Variants in LHCGR observed in about 807,000 individuals in gnomAD.
LHCGR encodes the protein lutropin-choriogonadotropic hormone receptor.
A neutral mutation model predicts 60.7 loss-of-function variants in LHCGR; 55 were observed. The observed-to-expected ratio is 0.91, with a 90% CI of 0.73 to 1.13. The LOEUF (loss-of-function observed/expected upper bound fraction) is 1.13. Ranked by LOEUF, LHCGR falls within the 50% of genes most tolerant of loss-of-function variation. The pLI is 0.00. For missense variants in LHCGR, 862 were observed against 836.0 expected (o/e 1.03, Z -0.38); for synonymous variants, 337 against 316.5 (o/e 1.06, Z -0.69).
chr2:48,720,847 C>T (rs1014549310), intron 6 of LHCGR: 1 of 152,170 alleles, frequency 6.6e-6, no homozygotes, highest in South Asian at 2.1e-4. Context: ...GTTGATAGTT[C>T]CTATCTCATA....
intron 7 of LHCGR, among the ~76,000 whole-genome samples, chr2:48,713,331 G>T (rs1250069583): frequency 6.6e-6 from 1 of 152,100 alleles, no homozygotes; most frequent in African/African-American, 2.4e-5. Flanking sequence ...ACCTCACCCT[G>T]TACTTGCTAT....
chr2:48,710,329 A>G (rs192861405), intron 7 of LHCGR, among the ~76,000 whole-genome samples: 8 of 152,290 alleles, frequency 5.3e-5, no homozygotes, highest in African/African-American at 1.9e-4. Flanking sequence ...CTTCTTCCTG[A>G]TTCCGTTTGT....
chr2:48,692,957 T>C (rs1339729565), intron 10 of LHCGR, among the ~76,000 whole-genome samples: 1 of 152,216 alleles, frequency 6.6e-6, no homozygotes, highest in Non-Finnish European at 1.5e-5. Context: ...CTTAAGGTTG[T>C]ATATGCTCAT....
chr2:48,713,866 G>A, intron 7 of LHCGR, 120 bp downstream of exon 7: 1 of 809,582 alleles, frequency 1.2e-6, no homozygotes, highest in Non-Finnish European at 2.1e-6. Context: ...AAACACTGAG[G>A]GCTAGCCACT....
At chr2:48,719,755 G>T (rs76635743) in intron 6 of LHCGR, among the ~76,000 whole-genome samples, 1 of 152,186 alleles carries the variant, frequency 6.6e-6, no homozygotes, top group East Asian at 1.9e-4. Flanking sequence ...TGGGTAGGGG[G>T]AGGGCAAGAC....
intron 4 of LHCGR, among the ~76,000 whole-genome samples, chr2:48,724,588 T>C (rs764768170): frequency 3.3e-5 from 5 of 152,056 alleles, no homozygotes; most frequent in African/African-American, 4.8e-5. Context: ...AACGTGTACT[T>C]GGGTTGGGTG....
At position 48,729,291 on chromosome 2, in the gene LHCGR, T is replaced by C. The variant is rs1331648137; in HGVS notation, c.234-64A>G. On this transcript the variant is annotated intron_variant, in intron 2 of 10. Transcript: ENST00000294954. Reference sequence around the variant, plus strand: ...GAAAGAAATGACCGTGTCTGCATGATTATGAGCTATGTGTGTGACCCAACA... The same window carrying C: ...GAAAGAAATGACCGTGTCTGCATGACTATGAGCTATGTGTGTGACCCAACA... The C allele has an allele frequency of 6.3e-6, 8 of 1,276,312 alleles. No individual in the cohort carries two copies. The Admixed American group carries it at 1.2e-4, about 19-fold the overall frequency. The allele number at this position is 1,276,312 out of a possible 1,614,324, so 79.1% of individuals were successfully genotyped here.
At chr2:48,700,995 A>G (rs1667380269) in intron 8 of LHCGR, among the ~76,000 whole-genome samples, 1 of 152,136 alleles carries the variant, frequency 6.6e-6, no homozygotes, top group Non-Finnish European at 1.5e-5. Context: ...GGCAGGAGCT[A>G]GGAAATAGGT....
intron 10 of LHCGR, among the ~76,000 whole-genome samples, chr2:48,691,387 G>T (rs914077796): frequency 5.9e-5 from 9 of 152,266 alleles, no homozygotes; most frequent in African/African-American, 2.2e-4. Context: ...ACAGAAGACC[G>T]CATAGGAACC....
chr2:48,739,863 C>G (rs1572885706), intron 1 of LHCGR, among the ~76,000 whole-genome samples: 2 of 152,266 alleles, frequency 1.3e-5, no homozygotes, highest in East Asian at 1.9e-4. Flanking sequence ...AGGAACAGCT[C>G]CAGTCTACAG....
intron 1 of LHCGR, among the ~76,000 whole-genome samples, chr2:48,742,952 T>A (rs1669528920): frequency 6.6e-6 from 1 of 151,768 alleles, no homozygotes; most frequent in Non-Finnish European, 1.5e-5. Context: ...CTAGCAAGAC[T>A]AATAAAGAAA....
intron 8 of LHCGR, among the ~76,000 whole-genome samples, chr2:48,706,295 A>T (rs1028263316): frequency 6.6e-6 from 1 of 152,188 alleles, no homozygotes; most frequent in Non-Finnish European, 1.5e-5. Flanking sequence ...CTCTGTGGGT[A>T]ACCCAACCCT....
chr2:48,715,766 C>T (rs1279630824), intron 6 of LHCGR, among the ~76,000 whole-genome samples: 1 of 152,140 alleles, frequency 6.6e-6, no homozygotes, highest in Non-Finnish European at 1.5e-5. Context: ...AAAGGTGTGA[C>T]TCATGTTGAA....
At chr2:48,729,073 T>C in intron 3 of LHCGR, 80 bp downstream of exon 3, 1 of 1,103,758 alleles carries the variant, frequency 9.1e-7, no homozygotes, top group South Asian at 1.2e-5. Flanking sequence ...CAGTGGATGC[T>C]TGAATACAAA....
intron 1 of LHCGR, chr2:48,733,175 G>T: frequency 2.9e-6 from 1 of 344,580 alleles, no homozygotes. Flanking sequence ...TTTATTGCTG[G>T]GGATAATGCA....
At chr2:48,735,777 C>T (rs888411889) in intron 1 of LHCGR, among the ~76,000 whole-genome samples, 4 of 152,076 alleles carry the variant, frequency 2.6e-5, no homozygotes, top group Admixed American at 6.6e-5. Flanking sequence ...GGCTGAAGCT[C>T]TCAGCTGAGT....
chr2:48,749,663 G>A lies in LHCGR; in HGVS notation c.161+5848C>T, dbSNP rs2961233. Among the ~76,000 whole-genome samples, 415 of 151,600 alleles carry A rather than the reference G, an allele frequency of 2.7e-3. 3 individuals carry two copies. Among genetic ancestry groups the A allele is most frequent in the Admixed American group, 6.1e-3 (93 of 15,230 alleles). On this transcript the variant is annotated intron_variant, in intron 1 of 10. Transcript: ENST00000294954. ...TGAGGGGCTTAGGAAGAAGATAGAG[G>A]TGGGCAAAAGAGCAGAACTGGAGCC...
At chr2:48,721,479 T>C in intron 6 of LHCGR, 1 of 264,798 alleles carries the variant, frequency 3.8e-6, no homozygotes, top group South Asian at 4.2e-5. Flanking sequence ...AAATTATTTT[T>C]GGTTGCTGCT....
intron 7 of LHCGR, among the ~76,000 whole-genome samples, chr2:48,709,241 C>A (rs571995075): frequency 3.3e-5 from 5 of 152,150 alleles, no homozygotes; most frequent in African/African-American, 1.2e-4. Context: ...TTCTTCCATT[C>A]CCCCCTTCAC....
Sources: allele counts gnomAD v4.1 joint callset (sites outside exome capture counted in the v4.1 genomes callset), GRCh38; gene constraint gnomAD v4.1.1; transcripts MANE v1.5; gene names NCBI Gene and HGNC (gene_info 2026-07-23, HGNC 2026-07-21).